The following TAOK3 variants were observed in gnomAD, a reference collection of about 807,000 sequenced individuals.
TAOK3 encodes TAO kinase 3.
TAOK3 carries 40 observed loss-of-function variants against 120.4 expected under a neutral mutation model. The observed-to-expected ratio is 0.33, with a 90% CI of 0.26 to 0.43. The LOEUF (loss-of-function observed/expected upper bound fraction) is 0.43. Ranked by LOEUF, TAOK3 falls within the 20% of genes least tolerant of loss-of-function variation. TAOK3 has a pLI of 1.00. For synonymous variants in TAOK3, 355 were observed against 387.5 expected (o/e 0.92, Z 0.99); for missense variants, 821 against 1,112.1 (o/e 0.74, Z 3.72).
At chr12:118,191,905 G>A (rs568263588) in intron 13 of TAOK3, among the ~76,000 whole-genome samples, 2 of 152,282 alleles carry the variant, frequency 1.3e-5, no homozygotes, top group South Asian at 2.1e-4. Flanking sequence ...TTAACAAGTC[G>A]TAGTTTTGGT....
intron 6 of TAOK3, among the ~76,000 whole-genome samples, 169 bp downstream of exon 6, chr12:118,239,058 A>G (rs2040135673): frequency 6.6e-6 from 1 of 152,226 alleles, no homozygotes; most frequent in Non-Finnish European, 1.5e-5. Context: ...AACATCACTC[A>G]GACACTTTCA....
chr12:118,371,316 A>G lies in TAOK3; in HGVS notation c.-194+1332T>C, dbSNP rs914988908. Among the ~76,000 whole-genome samples, 1 of 152,126 alleles carries G rather than the reference A, an allele frequency of 6.6e-6. No homozygotes were observed. Among genetic ancestry groups the G allele is most frequent in the African/African-American group, 2.4e-5 (1 of 41,440 alleles). ...TTCCAACTTTTCACCTGACCTTTTC[A>G]TTAAGATCAGGAAGCCCCTCGCTTT... On this transcript the variant is annotated intron_variant, in intron 1 of 20. Transcript: ENST00000392533. This position sits in a 1 kb window ranked among gnomAD's most constrained non-coding sequence, Gnocchi z 5.5.
chr12:118,244,521 TTTTTTC>T (rs1179496021), intron 4 of TAOK3, among the ~76,000 whole-genome samples: 19 of 105,902 alleles, frequency 1.8e-4, no homozygotes, highest in South Asian at 3.3e-4. Context: ...TGTTAATTTC[TTTTTTC>T]TTTTTCTTTT....
intron 1 of TAOK3, among the ~76,000 whole-genome samples, chr12:118,277,457 C>A (rs2041941591): frequency 6.6e-6 from 1 of 151,898 alleles, no homozygotes; most frequent in Non-Finnish European, 1.5e-5. Context: ...CCAGATGATC[C>A]ACCATGTATT....
At chr12:118,351,265 T>C (rs1253459621) in intron 1 of TAOK3, among the ~76,000 whole-genome samples, 1 of 152,216 alleles carries the variant, frequency 6.6e-6, no homozygotes. Flanking sequence ...GAACAGGGGA[T>C]GATTCAGTGC....
chr12:118,165,537 A>G (rs1157507508), intron 17 of TAOK3, among the ~76,000 whole-genome samples: 2 of 152,368 alleles, frequency 1.3e-5, no homozygotes, highest in South Asian at 2.1e-4. Context: ...ATAAGGGACT[A>G]GTCTCTATAA....
intron 17 of TAOK3, among the ~76,000 whole-genome samples, chr12:118,164,001 C>T (rs1242051805): frequency 6.6e-6 from 1 of 151,790 alleles, no homozygotes; most frequent in African/African-American, 2.4e-5. Flanking sequence ...CGTGAGCCAC[C>T]GTGCCCGACC....
At position 118,294,513 on chromosome 12, in the gene TAOK3, T is replaced by G. The variant is rs184364666; in HGVS notation, c.-193-27754A>C. On this transcript the variant is annotated intron_variant, in intron 1 of 20. Coordinates refer to ENST00000392533, the MANE Select transcript of TAOK3 (RefSeq NM_016281.4). ...ACCCTCCAGCCTCAGTCTCCCTAGTTGCTCGGACTACAGGTGTGCACCACC... is the reference window on the plus strand; with the variant it reads ...ACCCTCCAGCCTCAGTCTCCCTAGTGGCTCGGACTACAGGTGTGCACCACC... Among the ~76,000 whole-genome samples, 380 of 152,098 alleles carry G rather than the reference T, an allele frequency of 2.5e-3. 3 individuals carry two copies. Among genetic ancestry groups the G allele is most frequent in the African/African-American group, 8.8e-3 (366 of 41,508 alleles).
In TAOK3 at chr12:118,210,069, T is replaced by C. The variant is rs545915150; in HGVS notation, c.819+2845A>G. On this transcript the variant is annotated intron_variant, in intron 11 of 20. Transcript: ENST00000392533. ...TGAGACCTATTTAAAATGAAGAACA[T>C]ACAGCTTCTTTAGCCATGCAAAATA... 9.7e-4 allele frequency among the ~76,000 whole-genome samples: 147 copies of C among 152,292 alleles called. 1 individual carries two copies. The highest frequency in any genetic ancestry group is 1.0e-3 in the South Asian group (5 of 4,828).
intron 9 of TAOK3, among the ~76,000 whole-genome samples, chr12:118,226,355 G>A (rs1454122100): frequency 6.6e-6 from 1 of 151,450 alleles, no homozygotes; most frequent in Non-Finnish European, 1.5e-5. Flanking sequence ...CAGCCTGGGC[G>A]ACAGAGCGAG....
At position 118,372,430 on chromosome 12, in the gene TAOK3, A is replaced by G. The variant is rs1229278714; in HGVS notation, c.-194+218T>C. Among the ~76,000 whole-genome samples the G allele has an allele frequency of 2.3e-5, 3 of 132,816 alleles. No individual in the cohort carries two copies. The highest frequency in any genetic ancestry group is 4.7e-5 in the Non-Finnish European group (3 of 63,668). 87.1% of individuals were successfully genotyped at this position (132,816 alleles called of 152,430 possible). On this transcript the variant is annotated intron_variant, in intron 1 of 20. Transcript: ENST00000392533. The surrounding 1 kb of genome is among the most constrained non-coding windows in gnomAD (Gnocchi z 4.6). ...GCCCCTCTTGGAGACCCCTCCCCTC[A>G]GACTTTCAGTCTTGGACCCTCTCGG...
chr12:118,350,597 G>A (rs182143311), intron 1 of TAOK3, among the ~76,000 whole-genome samples: 4 of 152,096 alleles, frequency 2.6e-5, no homozygotes, highest in African/African-American at 4.8e-5. Flanking sequence ...GGTGACTCAC[G>A]CCTGTAATCC....
At chr12:118,293,333 A>T (rs2042551551) in intron 1 of TAOK3, among the ~76,000 whole-genome samples, 1 of 152,242 alleles carries the variant, frequency 6.6e-6, no homozygotes, top group African/African-American at 2.4e-5. Flanking sequence ...GACGAATGTT[A>T]GCGATACACA....
intron 9 of TAOK3, among the ~76,000 whole-genome samples, chr12:118,229,484 C>A (rs1323999089): frequency 2.0e-5 from 3 of 152,090 alleles, no homozygotes; most frequent in African/African-American, 7.2e-5. Flanking sequence ...ATTTCAACTA[C>A]CTTCTCCTAG....
In TAOK3 at chr12:118,152,353, C is replaced by A. The variant is rs1486482845; in HGVS notation, c.2409G>T (p.Gln803His). 6.2e-7 allele frequency: 1 copy of A among 1,613,932 alleles called. No homozygotes were observed. Among genetic ancestry groups the A allele is most frequent in the Non-Finnish European group, 8.5e-7 (1 of 1,180,034 alleles). The change falls in exon 20 of 21, where the codon CAG becomes CAT. Residue 803 changes from glutamine (Q) to histidine (H), a missense_variant. Gln to His is a conservative substitution (Grantham distance 24). This residue lies in a region of TAOK3 where 354 missense variants were observed against 572.1 expected (regional missense o/e 0.62). Transcript: ENST00000392533. ...AGGCGTTGAGCAGCTCCATTTCCTG[C>A]TGGAGCTGTAGCCTCAAGGCCTGGC... is the stretch of plus-strand genomic sequence containing the variant. ...AECQALRLQL[Q>H]QEMELLNAYQ...
At chr12:118,183,025 A>AT (rs2036861437) in intron 14 of TAOK3, among the ~76,000 whole-genome samples, 1 of 150,606 alleles carries the variant, frequency 6.6e-6, no homozygotes, top group Non-Finnish European at 1.5e-5. Context: ...CTTCCTCCCT[A>AT]TTTTTCCTAT....
intron 1 of TAOK3, among the ~76,000 whole-genome samples, chr12:118,361,914 A>AAATAAT (rs78087373): frequency 0.25 from 35,395 of 143,668 alleles, 5,085 homozygotes; most frequent in African/African-American, 0.42. Flanking sequence ...CTATTAATAA[A>AAATAAT]AATAATAATA....
At chr12:118,346,669 C>T (rs2044873946) in intron 1 of TAOK3, among the ~76,000 whole-genome samples, 1 of 152,160 alleles carries the variant, frequency 6.6e-6, no homozygotes, top group Non-Finnish European at 1.5e-5. Flanking sequence ...TATATAATTA[C>T]ATCACATAGC....
chr12:118,151,289 G>GCACACACA (rs773751889), intron 20 of TAOK3, 131 bp from the exon 21 acceptor site: 1,208 of 252,760 alleles, frequency 4.8e-3, no homozygotes, highest in Non-Finnish European at 6.2e-3. Context: ...GCGCGCGCGC[G>GCACACACA]CACACACACA....
Sources: allele counts gnomAD v4.1 joint callset (sites outside exome capture counted in the v4.1 genomes callset), GRCh38; gene constraint gnomAD v4.1.1; regional missense constraint gnomAD v4.1.1; non-coding constraint Gnocchi (gnomAD v3.1); transcripts MANE v1.5; gene names NCBI Gene and HGNC (gene_info 2026-07-23, HGNC 2026-07-21).